The following ABCA12 variants were observed in gnomAD, a reference collection of about 807,000 sequenced individuals.
ABCA12 encodes the protein glucosylceramide transporter ABCA12.
Under a neutral mutation model 293.5 loss-of-function variants are expected in ABCA12, and 156 were observed. That is an observed-to-expected ratio of 0.53 (90% confidence interval 0.47 to 0.61). The LOEUF is 0.61. Among genes scored for constraint, ABCA12 ranks in the 20% least tolerant of loss-of-function variants. The pLI is 0.00. For synonymous variants in ABCA12, 1,063 were observed against 1,108.0 expected, an observed-to-expected ratio of 0.96 and a Z score of 0.81; for missense variants, 2,797 against 3,090.2, an observed-to-expected ratio of 0.91 and a Z score of 2.25.
At chr2:215,088,332 A>G (rs1702079757) in intron 2 of ABCA12, among the ~76,000 whole-genome samples, 1 of 152,218 alleles carries the variant, frequency 6.6e-6, no homozygotes, top group Admixed American at 6.5e-5. Flanking sequence ...GGACAAATTG[A>G]CAGAACTTAG....
intron 2 of ABCA12, among the ~76,000 whole-genome samples, chr2:215,094,613 T>C (rs1419100608): frequency 6.6e-6 from 1 of 152,190 alleles, no homozygotes; most frequent in Non-Finnish European, 1.5e-5. Context: ...TTTAAGACGT[T>C]TGCCCTGCAT....
At chr2:215,137,808 A>G (rs1027428226) in intron 1 of ABCA12, among the ~76,000 whole-genome samples, 1 of 152,086 alleles carries the variant, frequency 6.6e-6, no homozygotes, top group Non-Finnish European at 1.5e-5. Flanking sequence ...ATTTTTAACT[A>G]CATTAAGAAA....
intron 1 of ABCA12, among the ~76,000 whole-genome samples, chr2:215,126,764 T>A (rs572891502): frequency 4.1e-4 from 63 of 152,282 alleles, no homozygotes; most frequent in Non-Finnish European, 6.3e-4. Context: ...GTTTCATTTA[T>A]CTTTTGTAAT....
chr2:214,984,054 T>G (rs1307789103), intron 28 of ABCA12, among the ~76,000 whole-genome samples, 189 bp from the exon 29 acceptor site: 1 of 150,202 alleles, frequency 6.7e-6, no homozygotes, highest in Non-Finnish European at 1.5e-5. Context: ...ATTCAGAGTA[T>G]TACATAAATG....
chr2:215,121,247 G>A (rs1003889204), intron 1 of ABCA12, among the ~76,000 whole-genome samples: 2 of 152,136 alleles, frequency 1.3e-5, no homozygotes, highest in South Asian at 2.1e-4. Context: ...TAGAGCTAAC[G>A]CACTACAAAA....
At position 214,958,392 on chromosome 2, in the gene ABCA12, G is replaced by C; in HGVS notation, c.6002C>G (p.Thr2001Ser). The change falls in exon 41 of 53, where the codon ACC (threonine) becomes AGC (serine). Residue 2001 changes from threonine (T) to serine (S), a missense_variant. This residue lies in a region of ABCA12 where 2,130 missense variants were observed against 2,427.0 expected (regional missense o/e 0.88). Transcript: ENST00000272895. ...TACAACATAGGTGACAAAGCTGGCG[G>C]TGGTGACAGAGTAGCCCATCAAGAT... ...LSILMGYSVT[T>S]ASFVTYVVRE... The C allele has an allele frequency of 6.2e-7, 1 of 1,614,040 alleles. No individual in the cohort carries two copies.
At chr2:215,012,967 C>T (rs1700409117) in intron 15 of ABCA12, 1 of 151,986 alleles carries the variant, frequency 6.6e-6, no homozygotes, top group African/African-American at 2.4e-5. Flanking sequence ...CATTTTAATC[C>T]CATAATGCTT....
chr2:215,134,430 ATG>A (rs1294029667), intron 1 of ABCA12, among the ~76,000 whole-genome samples: 1 of 146,758 alleles, frequency 6.8e-6, no homozygotes. Flanking sequence ...ATATATGTAT[ATG>A]TGTATATATA....
At chr2:215,103,855 T>C (rs1702408622) in intron 2 of ABCA12, among the ~76,000 whole-genome samples, 1 of 152,098 alleles carries the variant, frequency 6.6e-6, no homozygotes, top group South Asian at 2.1e-4. Flanking sequence ...GGTATCTTGG[T>C]GGATGCCTGT....
At chr2:215,058,206 G>T (rs1228764026) in intron 3 of ABCA12, among the ~76,000 whole-genome samples, 1 of 151,964 alleles carries the variant, frequency 6.6e-6, no homozygotes. Context: ...TACCCCGGGG[G>T]ACATTTGGCA....
chr2:214,946,709 G>C (rs1288907215), intron 48 of ABCA12, among the ~76,000 whole-genome samples: 1 of 152,020 alleles, frequency 6.6e-6, no homozygotes, highest in African/African-American at 2.4e-5. Context: ...GAATGAACGG[G>C]ATTTTCCAAA....
At chr2:215,097,866 A>G (rs915931250) in intron 2 of ABCA12, among the ~76,000 whole-genome samples, 4 of 152,360 alleles carry the variant, frequency 2.6e-5, no homozygotes, top group African/African-American at 9.6e-5. Flanking sequence ...ACATAAAACC[A>G]AAGATAAATC....
At chr2:214,938,904 G>C (rs774079775) in intron 50 of ABCA12, among the ~76,000 whole-genome samples, 3 of 152,134 alleles carry the variant, frequency 2.0e-5, no homozygotes, top group Non-Finnish European at 4.4e-5. Flanking sequence ...CCGTTCTGTA[G>C]GTTGCCTGTT....
intron 50 of ABCA12, 139 bp from the exon 51 acceptor site, chr2:214,937,754 A>G (rs1698265337): frequency 1.5e-6 from 1 of 668,850 alleles, no homozygotes; most frequent in African/African-American, 1.8e-5. Context: ...TTTTGCCATA[A>G]AAGTTCAGGA....
intron 4 of ABCA12, 110 bp downstream of exon 4, chr2:215,054,463 T>A (rs769706385): frequency 1.8e-5 from 17 of 964,212 alleles, no homozygotes; most frequent in Non-Finnish European, 2.7e-5. Flanking sequence ...ACAGGGCTAT[T>A]CTAAGCATTC....
At chr2:214,980,161 A>G (rs28625202) in intron 31 of ABCA12, among the ~76,000 whole-genome samples, 158 of 152,316 alleles carry the variant, frequency 1.0e-3, no homozygotes, top group African/African-American at 3.7e-3. Context: ...TAAGATGTCA[A>G]TCATTTTTTA....
At chr2:214,955,088 C>T (rs1400931393) in intron 43 of ABCA12, 114 bp downstream of exon 43, 4 of 1,352,770 alleles carry the variant, frequency 3.0e-6, no homozygotes, top group African/African-American at 3.0e-5. Context: ...TTTCTCCTCT[C>T]CCAAATTTAA....
chr2:214,959,088 G>C lies in ABCA12; in HGVS notation c.5885-10C>G. The C allele has an allele frequency of 6.2e-7, 1 of 1,612,730 alleles. No individual in the cohort carries two copies. The highest frequency in any genetic ancestry group is 8.5e-7 in the Non-Finnish European group (1 of 1,178,856). ...CTATACATGATGATGCCTTAAAGAC[G>C]AAACAGTTCTTCTATTAGTAGGTAT... On this transcript the variant is annotated splice_polypyrimidine_tract_variant and intron_variant, in intron 39 of 52. Transcript: ENST00000272895.
chr2:215,056,534 A>C (rs1701424003), intron 3 of ABCA12, among the ~76,000 whole-genome samples: 2 of 152,100 alleles, frequency 1.3e-5, no homozygotes, highest in South Asian at 4.2e-4. Flanking sequence ...TTTTTTTGGA[A>C]GCAAGAGTTG....
Sources: allele counts gnomAD v4.1 joint callset (sites outside exome capture counted in the v4.1 genomes callset), GRCh38; gene constraint gnomAD v4.1.1; regional missense constraint gnomAD v4.1.1; transcripts MANE v1.5; gene names NCBI Gene and HGNC (gene_info 2026-07-23, HGNC 2026-07-21).